The following ARHGAP35 variants were observed in gnomAD, a reference collection of about 807,000 sequenced individuals.
ARHGAP35 encodes Rho GTPase activating protein 35.
In ARHGAP35, 15 loss-of-function variants were observed where a neutral mutation model predicts 111.1. The observed-to-expected ratio is 0.13, with a 90% CI of 0.09 to 0.21. The LOEUF is 0.21. Ranked by LOEUF, ARHGAP35 falls within the 10% of genes least tolerant of loss-of-function variation. The pLI is 1.00. For synonymous variants in ARHGAP35, 643 were observed against 710.3 expected, an observed-to-expected ratio of 0.91 and a Z score of 1.51; for missense variants, 1,262 against 1,873.0, an observed-to-expected ratio of 0.67 and a Z score of 6.02.
At chr19:46,955,227 C>T (rs148189149) in intron 3 of ARHGAP35, among the ~76,000 whole-genome samples, 112 of 152,166 alleles carry the variant, frequency 7.4e-4, no homozygotes, top group Admixed American at 1.4e-3. Context: ...CAACTCCTAG[C>T]GGGGGAGGGA....
intron 2 of ARHGAP35, among the ~76,000 whole-genome samples, chr19:46,924,141 T>C (rs534867401): frequency 5.4e-4 from 82 of 152,314 alleles, no homozygotes; most frequent in African/African-American, 1.9e-3. Context: ...CTGAAAGTAC[T>C]GCAGGGACCT....
intron 1 of ARHGAP35, among the ~76,000 whole-genome samples, chr19:46,863,320 T>G (rs2055838980): frequency 6.6e-6 from 1 of 152,204 alleles, no homozygotes; most frequent in African/African-American, 2.4e-5. Flanking sequence ...TCCTGAGAGA[T>G]CTGGGTAAAT....
intron 1 of ARHGAP35, among the ~76,000 whole-genome samples, chr19:46,878,180 C>CT (rs1183211316): frequency 6.6e-6 from 1 of 152,060 alleles, no homozygotes; most frequent in Non-Finnish European, 1.5e-5. Context: ...ACCACCACAC[C>CT]TGGCTAAATG....
At chr19:46,899,846 A>G (rs1419904269) in intron 1 of ARHGAP35, among the ~76,000 whole-genome samples, 1 of 152,082 alleles carries the variant, frequency 6.6e-6, no homozygotes, top group Non-Finnish European at 1.5e-5. Flanking sequence ...TGTGGTAAAA[A>G]CCTGTACATT....
rs1360582515 is a variant in ARHGAP35 at position 46,920,894 on chromosome 19, T to C, written c.2219T>C (p.Ile740Thr). Residue 740 changes from isoleucine (I) to threonine (T), a missense_variant, in exon 2 of 7, where the codon ATT (isoleucine) becomes ACT (threonine). Ile to Thr is a moderately conservative substitution (Grantham distance 89). Transcript: ENST00000672722. The surrounding 1 kb of genome is among the most constrained non-coding windows in gnomAD (Gnocchi z 7.0). ...TTTCTCGACCCTGCTTCTGCTGGCATTGGTTACGGACGCAACATTAATGAA... is the reference window on the plus strand; with the variant it reads ...TTTCTCGACCCTGCTTCTGCTGGCACTGGTTACGGACGCAACATTAATGAA... ...CVFLDPASAG[I>T]GYGRNINEKQ... 3 of 1,613,876 alleles carry C rather than the reference T, an allele frequency of 1.9e-6. No individual in the cohort carries two copies. The African/African-American group carries it at 4.0e-5, about 22-fold the overall frequency.
In ARHGAP35 at chr19:46,962,271, C is replaced by T. The variant is rs188636988; in HGVS notation, c.3826+24863C>T. Among the ~76,000 whole-genome samples the T allele has an allele frequency of 1.5e-4, 23 of 152,344 alleles. 1 individual carries two copies. The highest frequency in any genetic ancestry group is 1.2e-3 in the South Asian group (6 of 4,828). On this transcript the variant is annotated intron_variant, in intron 3 of 6. Coordinates refer to ENST00000672722, the MANE Select transcript of ARHGAP35 (RefSeq NM_004491.5). ...AGAACCCAGGAGTTGAAGAGATTCCCCACTGTCTTGCCATATGAGCAGCTC... is the reference window on the plus strand; with the variant it reads ...AGAACCCAGGAGTTGAAGAGATTCCTCACTGTCTTGCCATATGAGCAGCTC...
intron 3 of ARHGAP35, among the ~76,000 whole-genome samples, chr19:46,981,191 C>T (rs946083501): frequency 1.1e-4 from 17 of 152,260 alleles, no homozygotes; most frequent in Admixed American, 9.2e-4. Flanking sequence ...CAGCACCCCT[C>T]CGGCCTTGCA....
chr19:46,861,129 A>G lies in ARHGAP35; in HGVS notation c.-269A>G, dbSNP rs2055823810. ...CCGCCTCAGCCGCCGCTGGACTAGG[A>G]GCAGGGGAACATGGCGCCGGGGCCC... On this transcript the variant is annotated 5_prime_UTR_variant, in exon 1 of 7. Coordinates refer to ENST00000672722, the MANE Select transcript of ARHGAP35 (RefSeq NM_004491.5). Among the ~76,000 whole-genome samples, 1 of 150,958 alleles carries G rather than the reference A, an allele frequency of 6.6e-6. No individual in the cohort carries two copies. The highest frequency in any genetic ancestry group is 2.1e-4 in the South Asian group (1 of 4,806).
At position 46,908,935 on chromosome 19, in the gene ARHGAP35, G is replaced by A. The variant is rs2056124388; in HGVS notation, c.-188-9553G>A. Among the ~76,000 whole-genome samples the A allele has an allele frequency of 6.6e-6, 1 of 152,104 alleles. No homozygotes were observed. Among genetic ancestry groups the A allele is most frequent in the South Asian group, 2.1e-4 (1 of 4,822 alleles). On this transcript the variant is annotated intron_variant, in intron 1 of 6. Transcript: ENST00000672722. This position sits in a 1 kb window ranked among gnomAD's most constrained non-coding sequence, Gnocchi z 4.2. ...GGAGGTGGGGAGGACAAATCAAGAG[G>A]GGCAGGAGGGGACATTTGCAAAAAT...
chr19:46,882,336 G>A (rs1041038771), intron 1 of ARHGAP35, among the ~76,000 whole-genome samples: 1 of 151,746 alleles, frequency 6.6e-6, no homozygotes, highest in African/African-American at 2.4e-5. Flanking sequence ...CAGGATCAGC[G>A]TATGTTGACC....
intron 1 of ARHGAP35, among the ~76,000 whole-genome samples, chr19:46,903,374 A>T (rs1469287184): frequency 6.6e-6 from 1 of 152,170 alleles, no homozygotes; most frequent in African/African-American, 2.4e-5. Flanking sequence ...AAGACGATTC[A>T]AAAGAAAGTA....
chr19:46,960,372 C>T (rs58690873), intron 3 of ARHGAP35, among the ~76,000 whole-genome samples: 6,073 of 152,254 alleles, frequency 0.04, 185 homozygotes, highest in East Asian at 0.16. Flanking sequence ...CCAATATAGT[C>T]ATTCAGGCAG....
At position 46,988,132 on chromosome 19, in the gene ARHGAP35, G is replaced by T; in HGVS notation, c.3904+66G>T. On this transcript the variant is annotated intron_variant, in intron 4 of 6. Transcript: ENST00000672722. This position sits in a 1 kb window ranked among gnomAD's most constrained non-coding sequence, Gnocchi z 5.4. Reference sequence around the variant, plus strand: ...TCAAGGCAGACACAGCTGCCTCGGTGAACTGTCTGTGGGGCTTCGGAGCAC... The same window carrying T: ...TCAAGGCAGACACAGCTGCCTCGGTTAACTGTCTGTGGGGCTTCGGAGCAC... 3 of 1,495,790 alleles carry T rather than the reference G, an allele frequency of 2.0e-6. No individual in the cohort carries two copies. In the South Asian group the frequency reaches 3.5e-5, roughly 17 times the overall value. 92.7% of individuals were successfully genotyped at this position (1,495,790 alleles called of 1,614,324 possible).
At chr19:46,951,907 T>C (rs1018088413) in intron 3 of ARHGAP35, among the ~76,000 whole-genome samples, 1 of 152,200 alleles carries the variant, frequency 6.6e-6, no homozygotes, top group Non-Finnish European at 1.5e-5. Context: ...ATTGGTACAA[T>C]TGGTTTAAAA....
intron 3 of ARHGAP35, among the ~76,000 whole-genome samples, chr19:46,949,517 A>C (rs1414380306): frequency 1.3e-5 from 2 of 152,172 alleles, no homozygotes; most frequent in East Asian, 3.8e-4. Context: ...AATATGATAC[A>C]TTTATAAAAC....
rs764408614 is a variant in ARHGAP35 at position 46,920,906 on chromosome 19, G to A, written c.2231G>A (p.Arg744His). ...GCTTCTGCTGGCATTGGTTACGGAC[G>A]CAACATTAATGAAAAGCAAATCAGT... ...DPASAGIGYG[R>H]NINEKQISQV... The change falls in exon 2 of 7, where the codon CGC becomes CAC. Residue 744 changes from arginine (R) to histidine (H), a missense_variant. Around this residue, in one of 8 missense-constraint regions of ARHGAP35, gnomAD observed 579 missense variants for 716.9 expected, o/e 0.81. Coordinates refer to ENST00000672722, the MANE Select transcript of ARHGAP35 (RefSeq NM_004491.5). The surrounding 1 kb of genome is among the most constrained non-coding windows in gnomAD (Gnocchi z 7.0). 4.4e-5 allele frequency: 71 copies of A among 1,613,582 alleles called. No individual in the cohort carries two copies. The highest frequency in any genetic ancestry group is 1.0e-5 in the Non-Finnish European group (12 of 1,179,720).
rs1431815988 is a variant in ARHGAP35, at chr19:46,987,197, ACTTTTTTTTTTCTTTTTTTT to A, written c.3827-780_3827-761del. On this transcript the variant is annotated intron_variant, in intron 3 of 6. Coordinates refer to ENST00000672722, the MANE Select transcript of ARHGAP35 (RefSeq NM_004491.5). ...GTAAAAACTTGGAAAACCCTGTATC[ACTTTTTTTTTTCTTTTTTTT>A]CTTTTTTTTTTTTTTTTTTGAGAGA... 2.1e-5 allele frequency among the ~76,000 whole-genome samples: 3 copies of A among 142,916 alleles called. No homozygotes were observed. The Admixed American group carries it at 2.1e-4, about 10-fold the overall frequency. 93.8% of individuals were successfully genotyped at this position (142,916 alleles called of 152,430 possible).
At chr19:46,960,608 TA>T (rs1054930283) in intron 3 of ARHGAP35, among the ~76,000 whole-genome samples, 4 of 152,040 alleles carry the variant, frequency 2.6e-5, no homozygotes, top group Admixed American at 6.6e-5. Flanking sequence ...CGTATTTTGT[TA>T]AAAAAAATTG....
At chr19:46,874,152 C>G (rs1480857058) in intron 1 of ARHGAP35, among the ~76,000 whole-genome samples, 1 of 152,152 alleles carries the variant, frequency 6.6e-6, no homozygotes, top group East Asian at 1.9e-4. Flanking sequence ...GAAGAGGGAA[C>G]AAACTAGTTC....
Sources: allele counts gnomAD v4.1 joint callset (sites outside exome capture counted in the v4.1 genomes callset), GRCh38; gene constraint gnomAD v4.1.1; regional missense constraint gnomAD v4.1.1; non-coding constraint Gnocchi (gnomAD v3.1); transcripts MANE v1.5; gene names NCBI Gene and HGNC (gene_info 2026-07-23, HGNC 2026-07-21).